Variants in MTHFSD observed in about 807,000 individuals in gnomAD.
The protein encoded by MTHFSD is methenyltetrahydrofolate synthase domain-containing protein.
MTHFSD carries 37 observed loss-of-function variants against 31.1 expected under a neutral mutation model. That is an observed-to-expected ratio of 1.19 (90% CI 0.91 to 1.56). The LOEUF is 1.56. MTHFSD is among the 40% of genes most tolerant of loss of function. The pLI is 0.00. For synonymous variants in MTHFSD, 221 were observed against 206.9 expected (o/e 1.07, Z -0.59); for missense variants, 664 against 510.1 (o/e 1.30, Z -2.91).
chr16:86,553,726 GCT>G (rs1555529176), intron 2 of MTHFSD: 1 of 152,720 alleles, frequency 6.5e-6, no homozygotes, highest in Non-Finnish European at 1.5e-5. Context: ...CTGCCCAACG[GCT>G]GAGGAGTGCG....
chr16:86,536,976 C>T (rs535280443), intron 7 of MTHFSD, among the ~76,000 whole-genome samples: 1 of 152,326 alleles, frequency 6.6e-6, no homozygotes, highest in South Asian at 2.1e-4. Context: ...TAAGAACTGG[C>T]GCATATTTAA....
rs184982781 is a variant in MTHFSD at position 86,553,669 on chromosome 16, C to G, written c.123+976G>C. The G allele has an allele frequency of 3.6e-3, 559 of 154,172 alleles. 3 individuals are homozygous for G. The highest frequency in any genetic ancestry group is 0.017 in the Middle Eastern group (5 of 296). 9.6% of individuals were successfully genotyped at this position (154,172 alleles called of 1,614,324 possible). A position where few individuals can be genotyped will look rare whatever the true frequency, so the allele number is the denominator to read the frequency against. On this transcript the variant is annotated intron_variant, in intron 2 of 7. Transcript: ENST00000360900. The stretch of plus-strand genomic sequence containing the variant: ...CGGCGGGCTCCTGTGCAGCTAGAGC[C>G]TCCCCGAGGAGCGACGCTCCTGCTC...
At chr16:86,532,665 G>C (rs1416584255) in intron 7 of MTHFSD, 184 bp from the exon 8 acceptor site, 6 of 419,780 alleles carry the variant, frequency 1.4e-5, no homozygotes, top group Middle Eastern at 1.2e-3. Context: ...GATGTCACCA[G>C]TCTGTAGCTC....
chr16:86,550,250 T>C (rs979565698), intron 3 of MTHFSD, among the ~76,000 whole-genome samples: 3 of 152,222 alleles, frequency 2.0e-5, no homozygotes, highest in Admixed American at 6.5e-5. Context: ...AGGGACCACA[T>C]GTGTGTAGTC....
Position 86,541,828 on chromosome 16 carries a change from G to A in MTHFSD, c.556-6C>T, listed in dbSNP as rs1971565331. The A allele has an allele frequency of 1.9e-6, 3 of 1,613,814 alleles. No homozygotes were observed. Among genetic ancestry groups the A allele is most frequent in the Non-Finnish European group, 2.5e-6 (3 of 1,179,728 alleles). On this transcript the variant is annotated splice_region_variant and splice_polypyrimidine_tract_variant and intron_variant, in intron 6 of 7. Coordinates refer to ENST00000360900, the MANE Select transcript of MTHFSD (RefSeq NM_001159377.2). ...TCTTCAGGGATGTCCACGACCTGGG[G>A]GAAGAGAGGAGGGATAAAGGGGCTG...
intron 4 of MTHFSD, chr16:86,547,059 A>G (rs1972422265): frequency 1.5e-5 from 10 of 673,180 alleles, no homozygotes; most frequent in South Asian, 1.2e-4. Flanking sequence ...GCTGTAAGAC[A>G]GGGACACCAC....
rs187781515 is a variant in MTHFSD at position 86,532,574 on chromosome 16, G to T, written c.682-93C>A. ...CACACCTCTGACTACTGGCTGTGCTGCACACGTGGACTGGATGCCAAGTGG... is the reference window on the plus strand; with the variant it reads ...CACACCTCTGACTACTGGCTGTGCTTCACACGTGGACTGGATGCCAAGTGG... On this transcript the variant is annotated intron_variant, in intron 7 of 7. Transcript: ENST00000360900. 1,214 of 1,050,056 alleles carry T rather than the reference G, an allele frequency of 1.2e-3. 11 individuals carry two copies. In the African/African-American group the frequency reaches 0.018, roughly 15 times the overall value. The allele number at this position is 1,050,056 out of a possible 1,614,324, so 65.0% of individuals were successfully genotyped here. A position where few individuals can be genotyped will look rare whatever the true frequency, so the allele number is the denominator to read the frequency against.
chr16:86,553,211 G>A (rs1325407473), intron 2 of MTHFSD: 1 of 152,256 alleles, frequency 6.6e-6, no homozygotes, highest in Non-Finnish European at 1.5e-5. Context: ...CTTCCGGCCA[G>A]GATAAATATT....
In MTHFSD at chr16:86,548,109, C is replaced by T. The variant is rs948615062; in HGVS notation, c.351+355G>A. 7 of 1,295,148 alleles carry T rather than the reference C, an allele frequency of 5.4e-6. No homozygotes were observed. The African/African-American group carries it at 9.1e-5, about 17-fold the overall frequency. The allele number at this position is 1,295,148 out of a possible 1,614,324, so 80.2% of individuals were successfully genotyped here. On this transcript the variant is annotated intron_variant, in intron 4 of 7. Transcript: ENST00000360900. ...CCTGTCTCCCCAGTCGCTCTGGTGG[C>T]ACCTGATGAACAGGCCGGGAATAAG...
chr16:86,538,926 G>GC (rs1486958156), intron 7 of MTHFSD, among the ~76,000 whole-genome samples: 2 of 152,084 alleles, frequency 1.3e-5, no homozygotes, highest in South Asian at 2.1e-4. Context: ...TGAGGCGATC[G>GC]CCCCCAGAGA....
Position 86,551,917 on chromosome 16 carries a change from G to C in MTHFSD, c.237+116C>G, listed in dbSNP as rs987094145. The C allele has an allele frequency of 5.3e-6, 8 of 1,512,690 alleles. No homozygotes were observed. In the African/African-American group the frequency reaches 9.8e-5, roughly 18 times the overall value. 93.7% of individuals were successfully genotyped at this position (1,512,690 alleles called of 1,614,324 possible). A position where few individuals can be genotyped will look rare whatever the true frequency, so the allele number is the denominator to read the frequency against. On this transcript the variant is annotated intron_variant, in intron 3 of 7. Coordinates refer to ENST00000360900, the MANE Select transcript of MTHFSD (RefSeq NM_001159377.2). ...CCAAGGGCACTTTCTGTATTGGAGGGAATCGGAAGCACCGACTTTCTAAAT... is the reference window on the plus strand; with the variant it reads ...CCAAGGGCACTTTCTGTATTGGAGGCAATCGGAAGCACCGACTTTCTAAAT...
chr16:86,535,267 A>T, intron 7 of MTHFSD: 1 of 985,374 alleles, frequency 1.0e-6, no homozygotes, highest in Non-Finnish European at 1.2e-6. Flanking sequence ...TCTTTTCATG[A>T]GCAGTGTTTG....
chr16:86,541,267 C>A (rs1237266388), intron 7 of MTHFSD: 3 of 1,202,912 alleles, frequency 2.5e-6, no homozygotes, highest in Non-Finnish European at 3.2e-6. Flanking sequence ...CAGGCTAGAT[C>A]TGCTTGAAGA....
chr16:86,533,813 A>G (rs1478203838), intron 7 of MTHFSD: 1 of 152,250 alleles, frequency 6.6e-6, no homozygotes, highest in Non-Finnish European at 1.5e-5. Context: ...TTAGAGTAAC[A>G]GTTAAAGATA....
intron 2 of MTHFSD, 187 bp from the exon 3 acceptor site, chr16:86,552,333 G>A (rs575178903): frequency 8.7e-6 from 13 of 1,495,132 alleles, no homozygotes; most frequent in Middle Eastern, 1.8e-4. Flanking sequence ...AGGACAGCAC[G>A]CTCTCAGGCC....
chr16:86,544,849 A>G (rs1972049091), intron 5 of MTHFSD, among the ~76,000 whole-genome samples: 1 of 152,266 alleles, frequency 6.6e-6, no homozygotes, highest in South Asian at 2.1e-4. Context: ...AATGTGGTAC[A>G]TATACACTAT....
chr16:86,546,085 G>A (rs917875900), intron 5 of MTHFSD, among the ~76,000 whole-genome samples: 3 of 151,640 alleles, frequency 2.0e-5, no homozygotes, highest in Non-Finnish European at 4.4e-5. Flanking sequence ...AAGAAGTCTC[G>A]GACACACCAC....
chr16:86,534,220 C>T (rs144964914), intron 7 of MTHFSD, among the ~76,000 whole-genome samples: 1 of 152,324 alleles, frequency 6.6e-6, no homozygotes, highest in East Asian at 1.9e-4. Flanking sequence ...CCACTGGGCC[C>T]TCGGCCATCC....
rs981823226 is a variant in MTHFSD, at chr16:86,530,657, T to G, written c.*1354A>C. 6.6e-6 allele frequency: 1 copy of G among 152,166 alleles called. No homozygotes were observed. Among genetic ancestry groups the G allele is most frequent in the Non-Finnish European group, 1.5e-5 (1 of 68,030 alleles). 9.4% of individuals were successfully genotyped at this position (152,166 alleles called of 1,614,324 possible). ...AGAATCTTTCAGAAAAAGAAGTATT[T>G]TTTAAAAAAAGAGAGAAAAGAAGGT... On this transcript the variant is annotated 3_prime_UTR_variant, in exon 8 of 8. Coordinates refer to ENST00000360900, the MANE Select transcript of MTHFSD (RefSeq NM_001159377.2).
Sources: gnomAD v4.1 joint callset for allele counts (sites outside exome capture counted in the v4.1 genomes callset) on GRCh38, gnomAD v4.1.1 for gene constraint, MANE v1.5 for transcripts, NCBI Gene and HGNC (gene_info 2026-07-23, HGNC 2026-07-21) for gene names.